Variants in ABHD18 observed in about 807,000 individuals in gnomAD.
ABHD18 encodes abhydrolase domain containing 18.
ABHD18 carries 55 observed loss-of-function variants against 65.9 expected under a neutral mutation model. That is an observed-to-expected ratio of 0.84 (90% CI 0.67 to 1.05). ABHD18 has a LOEUF of 1.05. Ranked by LOEUF, ABHD18 falls within the 50% of genes least tolerant of loss-of-function variation. The pLI, the probability that ABHD18 is intolerant of heterozygous loss-of-function variation, is 0.00. For synonymous variants in ABHD18, 181 were observed against 180.2 expected, an observed-to-expected ratio of 1.00 and a Z score of -0.04; for missense variants, 533 against 558.5, an observed-to-expected ratio of 0.95 and a Z score of 0.46.
intron 10 of ABHD18, among the ~76,000 whole-genome samples, chr4:128,026,789 CTTTT>C (rs1389977770): frequency 7.0e-6 from 1 of 142,288 alleles, no homozygotes. Context: ...TTTTCTTTTT[CTTTT>C]TTTTTTTTTT....
intron 1 of ABHD18, among the ~76,000 whole-genome samples, chr4:127,976,414 T>A (rs1441677324): frequency 2.0e-5 from 3 of 152,228 alleles, no homozygotes; most frequent in African/African-American, 7.2e-5. Flanking sequence ...TATACTCAGT[T>A]ATTTTTATGA....
chr4:128,006,236 ACTACATGCATTG>A (rs1282463261), intron 4 of ABHD18, among the ~76,000 whole-genome samples: 2 of 152,250 alleles, frequency 1.3e-5, no homozygotes, highest in Non-Finnish European at 2.9e-5. Context: ...TAATGAAGTC[ACTACATGCATTG>A]CTATGGAACA....
At chr4:127,993,369 T>C (rs760655301) in intron 4 of ABHD18, among the ~76,000 whole-genome samples, 1 of 152,206 alleles carries the variant, frequency 6.6e-6, no homozygotes, top group Non-Finnish European at 1.5e-5. Context: ...GGGAAACAAG[T>C]TGACTTCCTG....
chr4:127,983,699 A>T (rs906554388), intron 2 of ABHD18, among the ~76,000 whole-genome samples: 9 of 152,090 alleles, frequency 5.9e-5, no homozygotes, highest in African/African-American at 2.2e-4. Context: ...TCCCTTCTCT[A>T]CTAAAAATAC....
At chr4:127,978,527 G>A (rs1006114496) in intron 1 of ABHD18, among the ~76,000 whole-genome samples, 17 of 152,124 alleles carry the variant, frequency 1.1e-4, no homozygotes, top group African/African-American at 3.9e-4. Context: ...AATGGTAGAA[G>A]CTTTTTGGTA....
At chr4:127,987,983 G>A (rs1579211470) in intron 3 of ABHD18, among the ~76,000 whole-genome samples, 1 of 152,172 alleles carries the variant, frequency 6.6e-6, no homozygotes, top group East Asian at 1.9e-4. Context: ...AGTAAACAAA[G>A]ACTAGTTCAG....
chr4:127,998,915 G>A (rs756796421), intron 4 of ABHD18, among the ~76,000 whole-genome samples: 4 of 152,070 alleles, frequency 2.6e-5, no homozygotes, highest in Non-Finnish European at 5.9e-5. Context: ...AATGATTATT[G>A]GGATGAAATA....
intron 12 of ABHD18, among the ~76,000 whole-genome samples, chr4:128,032,968 G>A (rs1758415874): frequency 6.6e-6 from 1 of 151,614 alleles, no homozygotes; most frequent in South Asian, 2.1e-4. Flanking sequence ...TTATCCAGTG[G>A]GTGGGCCGGG....
At chr4:127,998,542 T>C (rs901906888) in intron 4 of ABHD18, among the ~76,000 whole-genome samples, 21 of 71,666 alleles carry the variant, frequency 2.9e-4, no homozygotes, top group African/African-American at 9.1e-4. Flanking sequence ...CCCGGCTGAC[T>C]TTTTTTTTTT....
Position 128,025,614 on chromosome 4 carries a change from A to T in ABHD18, c.802-2861A>T, listed in dbSNP as rs572214966. ...AGTGCTGCAGTGAGTAACTTTGTACATTCATGTTATATAAGTGTAAATTCC... is the reference window on the plus strand; with the variant it reads ...AGTGCTGCAGTGAGTAACTTTGTACTTTCATGTTATATAAGTGTAAATTCC... On this transcript the variant is annotated intron_variant, in intron 10 of 12. Coordinates refer to ENST00000645843, the MANE Select transcript of ABHD18 (RefSeq NM_001358451.3). 6.6e-5 allele frequency among the ~76,000 whole-genome samples: 10 copies of T among 152,292 alleles called. No individual in the cohort carries two copies. The South Asian group carries it at 2.1e-3, about 32-fold the overall frequency.
At chr4:128,011,499 AAAAAG>A (rs1754566891) in intron 6 of ABHD18, among the ~76,000 whole-genome samples, 169 bp from the exon 7 acceptor site, 1 of 151,604 alleles carries the variant, frequency 6.6e-6, no homozygotes, top group Admixed American at 6.6e-5. Context: ...TTTTTTTAAA[AAAAAG>A]GAAAATAATT....
chr4:128,029,684 G>A (rs1757934209), intron 11 of ABHD18, among the ~76,000 whole-genome samples: 1 of 152,056 alleles, frequency 6.6e-6, no homozygotes, highest in Non-Finnish European at 1.5e-5. Flanking sequence ...AATTAGTTGG[G>A]CGTAATGGTG....
At chr4:128,000,154 G>A (rs1228805348) in intron 4 of ABHD18, among the ~76,000 whole-genome samples, 1 of 152,162 alleles carries the variant, frequency 6.6e-6, no homozygotes, top group Non-Finnish European at 1.5e-5. Flanking sequence ...CAAAACACGT[G>A]GGAATTCAAG....
chr4:128,032,373 T>A (rs545540374), intron 12 of ABHD18, among the ~76,000 whole-genome samples: 16 of 152,280 alleles, frequency 1.1e-4, no homozygotes, highest in African/African-American at 3.6e-4. Flanking sequence ...AATTCAGTCT[T>A]TTCACACACC....
chr4:127,998,281 CTTTTTTTTTT>C (rs993883974), intron 4 of ABHD18, among the ~76,000 whole-genome samples: 3 of 119,838 alleles, frequency 2.5e-5, no homozygotes, highest in African/African-American at 9.0e-5. Context: ...CAAGACGTTT[CTTTTTTTTTT>C]TTTTTTTTTG....
intron 7 of ABHD18, among the ~76,000 whole-genome samples, chr4:128,014,992 G>A (rs558504669): frequency 2.6e-5 from 4 of 151,696 alleles, no homozygotes; most frequent in Admixed American, 2.0e-4. Flanking sequence ...CAGGAGAATC[G>A]CTTGAACCCA....
rs749018442 is a variant in ABHD18, at chr4:128,020,139, T to C, written c.669T>C (p.Ser223=). The change falls in exon 9 of 13, where the codon TCT becomes TCC. Residue 223 remains serine (S), a synonymous_variant. Coordinates refer to ENST00000645843, the MANE Select transcript of ABHD18 (RefSeq NM_001358451.3). ...PKPMPLIPCL[S]WSTASGVFTT... Reference sequence around the variant, plus strand: ...CCATGCCATTGATTCCATGCCTGTCTTGGTCCACAGCATCTGGGGTCTTCA... The same window carrying C: ...CCATGCCATTGATTCCATGCCTGTCCTGGTCCACAGCATCTGGGGTCTTCA... The C allele has an allele frequency of 6.2e-7, 1 of 1,613,652 alleles. No homozygotes were observed. Among genetic ancestry groups the C allele is most frequent in the East Asian group, 2.2e-5 (1 of 44,868 alleles).
chr4:127,966,857 C>A, intron 1 of ABHD18, among the ~76,000 whole-genome samples: 1 of 150,138 alleles, frequency 6.7e-6, no homozygotes, highest in African/African-American at 2.5e-5. Flanking sequence ...TGCACTCCAG[C>A]CTGGGCAACA....
intron 1 of ABHD18, among the ~76,000 whole-genome samples, chr4:127,970,238 A>T (rs1184051848): frequency 6.6e-6 from 1 of 151,876 alleles, no homozygotes; most frequent in Non-Finnish European, 1.5e-5. Flanking sequence ...ACTTATTGTT[A>T]TTGATGCCAT....
Sources: allele counts gnomAD v4.1 joint callset (sites outside exome capture counted in the v4.1 genomes callset), GRCh38; gene constraint gnomAD v4.1.1; transcripts MANE v1.5; gene names NCBI Gene and HGNC (gene_info 2026-07-23, HGNC 2026-07-21).